Variants in ADAMTS18 observed in about 807,000 individuals in gnomAD.
ADAMTS18 encodes the protein ADAM metallopeptidase with thrombospondin type 1 motif 18.
ADAMTS18 carries 157 observed loss-of-function variants against 165.9 expected under a neutral mutation model. The observed-to-expected ratio is 0.95, with a 90% CI of 0.83 to 1.08. ADAMTS18 has a LOEUF of 1.08. ADAMTS18 is among the 50% of genes least tolerant of loss of function. The pLI is 0.00. For synonymous variants in ADAMTS18, 782 were observed against 578.2 expected (o/e 1.35, Z -5.06); for missense variants, 2,040 against 1,534.0 (o/e 1.33, Z -5.51).
intron 22 of ADAMTS18, among the ~76,000 whole-genome samples, chr16:77,286,214 C>G (rs1259178468): frequency 6.6e-6 from 1 of 152,170 alleles, no homozygotes; most frequent in Non-Finnish European, 1.5e-5. Context: ...ATATGTGGTT[C>G]ACCTTCCTTG....
chr16:77,347,791 A>C (rs1185154758), intron 10 of ADAMTS18, among the ~76,000 whole-genome samples: 1 of 152,170 alleles, frequency 6.6e-6, no homozygotes, highest in Non-Finnish European at 1.5e-5. Context: ...AGATAATATG[A>C]GAGGCAGTAT....
At chr16:77,352,024 A>G (rs1326112496) in intron 10 of ADAMTS18, among the ~76,000 whole-genome samples, 1 of 152,300 alleles carries the variant, frequency 6.6e-6, no homozygotes, top group East Asian at 1.9e-4. Context: ...ATAAGCCACT[A>G]CACCCAGCCA....
intron 17 of ADAMTS18, among the ~76,000 whole-genome samples, chr16:77,297,728 C>T (rs1304894449): frequency 2.0e-5 from 3 of 151,830 alleles, no homozygotes; most frequent in African/African-American, 7.3e-5. Context: ...GGGTAACATC[C>T]CAGGCAAACT....
chr16:77,336,642 T>A (rs902741870), intron 11 of ADAMTS18, among the ~76,000 whole-genome samples: 5 of 152,244 alleles, frequency 3.3e-5, no homozygotes, highest in South Asian at 2.1e-4. Context: ...CCATGATCTG[T>A]ACAAGCTAGA....
At chr16:77,398,071 C>T (rs1027757439) in intron 3 of ADAMTS18, among the ~76,000 whole-genome samples, 2 of 152,144 alleles carry the variant, frequency 1.3e-5, no homozygotes, top group African/African-American at 4.8e-5. Context: ...AATCCCAGCA[C>T]TTTGGGAGGC....
At chr16:77,311,109 A>G (rs2055771840) in intron 16 of ADAMTS18, among the ~76,000 whole-genome samples, 1 of 152,064 alleles carries the variant, frequency 6.6e-6, no homozygotes, top group Admixed American at 6.5e-5. Flanking sequence ...GGGAAAAAAA[A>G]GAGGAACATT....
intron 7 of ADAMTS18, among the ~76,000 whole-genome samples, chr16:77,360,604 T>C (rs570233332): frequency 6.6e-6 from 1 of 152,314 alleles, no homozygotes; most frequent in South Asian, 2.1e-4. Context: ...GATTATCATA[T>C]GTCACTTTGC....
chr16:77,375,890 C>CTTTTTTTTTTTTTTTTTT (rs200629744), intron 3 of ADAMTS18, among the ~76,000 whole-genome samples: 4 of 93,904 alleles, frequency 4.3e-5, no homozygotes, highest in East Asian at 2.7e-4. Context: ...TCTTTCTTTC[C>CTTTTTTTTTTTTTTTTTT]TTTTTTTTTT....
intron 10 of ADAMTS18, among the ~76,000 whole-genome samples, chr16:77,343,481 A>G (rs144523920): frequency 6.6e-6 from 1 of 152,236 alleles, no homozygotes; most frequent in East Asian, 1.9e-4. Context: ...GGGAACTAAT[A>G]CTTTTACTAC....
At chr16:77,288,560 C>A (rs887934257) in intron 22 of ADAMTS18, among the ~76,000 whole-genome samples, 2 of 152,078 alleles carry the variant, frequency 1.3e-5, no homozygotes, top group African/African-American at 4.8e-5. Context: ...TTCCCTTGAA[C>A]TAACTTTAAG....
At chr16:77,400,661 T>G (rs1001426553) in intron 3 of ADAMTS18, among the ~76,000 whole-genome samples, 38 of 151,682 alleles carry the variant, frequency 2.5e-4, no homozygotes, top group Non-Finnish European at 5.0e-4. Flanking sequence ...TTTTGTATTT[T>G]TAGTAGAGAC....
intron 19 of ADAMTS18, 40 bp from the exon 20 acceptor site, chr16:77,293,298 G>T (rs750462589): frequency 6.5e-7 from 1 of 1,532,430 alleles, no homozygotes; most frequent in Non-Finnish European, 9.0e-7. Context: ...TTCCCATTAG[G>T]TTTCAGTAGC....
At chr16:77,300,505 G>C (rs563578436) in intron 16 of ADAMTS18, 101 bp from the exon 17 acceptor site, 91 of 1,358,076 alleles carry the variant, frequency 6.7e-5, no homozygotes, top group Admixed American at 5.8e-4. Context: ...ATGACATTTT[G>C]ACCTTAACAT....
intron 5 of ADAMTS18, 28 bp downstream of exon 5, chr16:77,364,160 C>T (rs772848496): frequency 1.2e-5 from 19 of 1,613,552 alleles, no homozygotes; most frequent in Admixed American, 1.7e-5. Context: ...CTTTGGAGAG[C>T]CAGAAGGTTT....
chr16:77,327,507 C>G (rs557686813), intron 12 of ADAMTS18, among the ~76,000 whole-genome samples: 1 of 152,188 alleles, frequency 6.6e-6, no homozygotes, highest in East Asian at 1.9e-4. Flanking sequence ...AAATGCCCAT[C>G]AATCAACGAG....
rs149948835 is a variant in ADAMTS18, at chr16:77,308,097, T to A, written c.2533-7693A>T. On this transcript the variant is annotated intron_variant, in intron 16 of 22. Transcript: ENST00000282849. The stretch of plus-strand genomic sequence containing the variant: ...CTGCTGTCGTTTTCAGCTTCAGGAT[T>A]CTCCCTTATTACACTAGGAATGGGC... Among the ~76,000 whole-genome samples, 554 of 152,262 alleles carry A rather than the reference T, an allele frequency of 3.6e-3. 1 individual carries two copies. The highest frequency in any genetic ancestry group is 0.02 in the Middle Eastern group (6 of 294).
intron 11 of ADAMTS18, among the ~76,000 whole-genome samples, chr16:77,338,141 C>T (rs749285516): frequency 3.3e-5 from 5 of 152,006 alleles, no homozygotes; most frequent in African/African-American, 7.3e-5. Context: ...TGACATCAGG[C>T]GATCCACCCA....
intron 10 of ADAMTS18, among the ~76,000 whole-genome samples, chr16:77,349,312 T>C (rs2056521191): frequency 6.6e-6 from 1 of 151,902 alleles, no homozygotes; most frequent in Non-Finnish European, 1.5e-5. Flanking sequence ...CTCCCCCATA[T>C]TTTGCCCACA....
At chr16:77,331,011 C>A (rs1420054450) in intron 12 of ADAMTS18, among the ~76,000 whole-genome samples, 1 of 152,156 alleles carries the variant, frequency 6.6e-6, no homozygotes, top group Non-Finnish European at 1.5e-5. Flanking sequence ...GAGAGCCTAT[C>A]ATCTACTTGT....
Sources: gnomAD v4.1 joint callset for allele counts (sites outside exome capture counted in the v4.1 genomes callset) on GRCh38, gnomAD v4.1.1 for gene constraint, MANE v1.5 for transcripts, NCBI Gene and HGNC (gene_info 2026-07-23, HGNC 2026-07-21) for gene names.